Variants in ELAVL4 observed in about 807,000 individuals in gnomAD.
ELAVL4 encodes the protein ELAV-like protein 4.
Under a neutral mutation model 35.6 loss-of-function variants are expected in ELAVL4, and 1 was observed. The ratio of observed to expected loss-of-function variants is 0.03; its 90% CI spans 0.01 to 0.13. ELAVL4 has a LOEUF of 0.13. ELAVL4 is among the 10% of genes least tolerant of loss of function. ELAVL4 has a pLI of 1.00. For synonymous variants in ELAVL4, 156 were observed against 171.0 expected, an observed-to-expected ratio of 0.91 and a Z score of 0.69; for missense variants, 267 against 464.9, an observed-to-expected ratio of 0.57 and a Z score of 3.91.
At chr1:50,177,773 A>AATAGGGATGGGTACT (rs1331840219) in intron 3 of ELAVL4, among the ~76,000 whole-genome samples, 1 of 152,232 alleles carries the variant, frequency 6.6e-6, no homozygotes, top group Admixed American at 6.5e-5. Context: ...GCACCAGTGT[A>AATAGGGATGGGTACT]ATAGGGATGG....
At chr1:50,124,550 G>A (rs1292305558) in intron 1 of ELAVL4, among the ~76,000 whole-genome samples, 2 of 152,080 alleles carry the variant, frequency 1.3e-5, no homozygotes, top group Non-Finnish European at 2.9e-5. Context: ...CAAAGCCCAT[G>A]TTCTGTCTCC....
intron 2 of ELAVL4, among the ~76,000 whole-genome samples, chr1:50,170,494 A>T (rs1251955136): frequency 6.6e-6 from 1 of 152,186 alleles, no homozygotes; most frequent in Non-Finnish European, 1.5e-5. Context: ...CACAGCAGTA[A>T]ATTGAAGAAC....
chr1:50,162,345 A>G (rs1676943012), intron 2 of ELAVL4, among the ~76,000 whole-genome samples: 1 of 152,198 alleles, frequency 6.6e-6, no homozygotes, highest in South Asian at 2.1e-4. Flanking sequence ...GTGGGTCATA[A>G]TAAGACTCAC....
chr1:50,191,107 G>A (rs1682598135), intron 3 of ELAVL4, among the ~76,000 whole-genome samples: 2 of 152,252 alleles, frequency 1.3e-5, no homozygotes, highest in South Asian at 4.1e-4. Flanking sequence ...CCATTCTTTT[G>A]TTCAACACAT....
rs1037258755 is a variant in ELAVL4 at position 50,203,571 on chromosome 1, T to TG, written c.*2398dup. ...ATCTTCTCTATAATGTGTTCAATCT[T>TG]GGGGGAAAAAAAAAGGAAAAAAAAT... On this transcript the variant is annotated 3_prime_UTR_variant, in exon 7 of 7. Transcript: ENST00000371824. The TG allele has an allele frequency of 5.3e-5, 8 of 151,924 alleles. No homozygotes were observed. Among genetic ancestry groups the TG allele is most frequent in the African/African-American group, 1.5e-4 (6 of 41,354 alleles). The allele number at this position is 151,924 out of a possible 1,614,324, so 9.4% of individuals were successfully genotyped here. A position where few individuals can be genotyped will look rare whatever the true frequency, so the allele number is the denominator to read the frequency against.
chr1:50,164,916 C>G (rs898198015), intron 2 of ELAVL4, among the ~76,000 whole-genome samples: 1 of 152,030 alleles, frequency 6.6e-6, no homozygotes. Context: ...TGTCATGGGC[C>G]CTTTGTTAGT....
intron 3 of ELAVL4, among the ~76,000 whole-genome samples, chr1:50,190,598 G>T (rs568431135): frequency 2.1e-4 from 32 of 152,324 alleles, no homozygotes; most frequent in African/African-American, 7.5e-4. Flanking sequence ...GGGATTTGTT[G>T]CTGCCTTTGG....
At chr1:50,090,129 A>G (rs1665424076) in intron 1 of ELAVL4, among the ~76,000 whole-genome samples, 1 of 152,204 alleles carries the variant, frequency 6.6e-6, no homozygotes. Flanking sequence ...GGAATGACAG[A>G]GGCTAAACAG....
In ELAVL4 at chr1:50,092,199, G is replaced by T. The variant is rs541947823; in HGVS notation, c.18+44017G>T. ...TAGACAAGTTATGATGGGTATATGT[G>T]TGGGGAAGGGCCAGGATTGGAAACA... On this transcript the variant is annotated intron_variant, in intron 1 of 6. Coordinates refer to the ELAVL4 transcript ENST00000448907. 4.6e-5 allele frequency among the ~76,000 whole-genome samples: 7 copies of T among 152,342 alleles called. No homozygotes were observed. In the South Asian group the frequency reaches 1.5e-3, roughly 32 times the overall value.
chr1:50,201,326 G>T lies in ELAVL4; in HGVS notation c.*148G>T. 4 of 884,962 alleles carry T rather than the reference G, an allele frequency of 4.5e-6. No homozygotes were observed. Among genetic ancestry groups the T allele is most frequent in the East Asian group, 3.3e-5 (1 of 30,008 alleles). The allele number at this position is 884,962 out of a possible 1,614,324, so 54.8% of individuals were successfully genotyped here. On this transcript the variant is annotated 3_prime_UTR_variant, in exon 7 of 7. Transcript: ENST00000371824. This position sits in a 1 kb window ranked among gnomAD's most constrained non-coding sequence, Gnocchi z 4.3. Reference sequence around the variant, plus strand: ...GACTTTATAAGCCAGTGTTGCCTAAGTATTAAAACATTGGATTATCCTGAG... The same window carrying T: ...GACTTTATAAGCCAGTGTTGCCTAATTATTAAAACATTGGATTATCCTGAG...
chr1:50,103,756 GT>G (rs2148515924), upstream of ELAVL4, among the ~76,000 whole-genome samples: 1 of 152,322 alleles, frequency 6.6e-6, no homozygotes, highest in Admixed American at 6.5e-5. Context: ...ATCTATATGT[GT>G]GTGTGTGGAT....
chr1:50,173,005 C>T (rs1679297304), intron 2 of ELAVL4, among the ~76,000 whole-genome samples: 1 of 152,058 alleles, frequency 6.6e-6, no homozygotes, highest in Non-Finnish European at 1.5e-5. Context: ...AAATTAATTC[C>T]CTGGGTACCC....
intron 5 of ELAVL4, among the ~76,000 whole-genome samples, 176 bp from the exon 6 acceptor site, chr1:50,197,253 A>G (rs1644113134): frequency 6.6e-6 from 1 of 152,198 alleles, no homozygotes; most frequent in Non-Finnish European, 1.5e-5. Flanking sequence ...CCTGAACATG[A>G]ATTACTTGCA....
intron 1 of ELAVL4, among the ~76,000 whole-genome samples, chr1:50,065,982 G>A (rs1420957183): frequency 2.6e-5 from 4 of 152,098 alleles, no homozygotes; most frequent in African/African-American, 7.2e-5. Context: ...GAAGTGACAC[G>A]GTGGAATTTC....
chr1:50,171,813 C>T (rs1317628190), intron 2 of ELAVL4, among the ~76,000 whole-genome samples: 2 of 152,186 alleles, frequency 1.3e-5, no homozygotes, highest in Admixed American at 6.5e-5. Context: ...CAAGAAAGAC[C>T]TCTCAGAATG....
At chr1:50,066,763 C>A (rs190131412) in intron 1 of ELAVL4, among the ~76,000 whole-genome samples, 4 of 152,224 alleles carry the variant, frequency 2.6e-5, no homozygotes, top group African/African-American at 9.6e-5. Flanking sequence ...TAGGAAAATA[C>A]TCTCTACACA....
chr1:50,192,324 G>C (rs1245864433), intron 3 of ELAVL4, among the ~76,000 whole-genome samples: 2 of 152,152 alleles, frequency 1.3e-5, no homozygotes, highest in African/African-American at 2.4e-5. Flanking sequence ...AAGGGACCTG[G>C]CATGTCTGTC....
chr1:50,177,311 C>T lies in ELAVL4; in HGVS notation c.354+119C>T, dbSNP rs1680212454. The stretch of plus-strand genomic sequence containing the variant: ...CAGTGTTCTTGATTTATTCAAAGAA[C>T]ATTTACCATCCACTATACTAAATGG... On this transcript the variant is annotated intron_variant, in intron 3 of 6. Coordinates refer to ENST00000371824, the MANE Select transcript of ELAVL4 (RefSeq NM_001144774.3). 5.3e-6 allele frequency: 4 copies of T among 747,720 alleles called. 1 individual carries two copies. The South Asian group carries it at 6.8e-5, about 13-fold the overall frequency. 46.3% of individuals were successfully genotyped at this position (747,720 alleles called of 1,614,324 possible).
At chr1:50,083,874 T>C (rs1665119174) in intron 1 of ELAVL4, among the ~76,000 whole-genome samples, 1 of 152,220 alleles carries the variant, frequency 6.6e-6, no homozygotes, top group Non-Finnish European at 1.5e-5. Context: ...TCCTGAAAGG[T>C]CAATAACTAC....
Sources: allele counts gnomAD v4.1 joint callset (sites outside exome capture counted in the v4.1 genomes callset), GRCh38; gene constraint gnomAD v4.1.1; non-coding constraint Gnocchi (gnomAD v3.1); transcripts MANE v1.5; gene names NCBI Gene and HGNC (gene_info 2026-07-23, HGNC 2026-07-21).